BIN3: variants seen among roughly 807,000 people sequenced by gnomAD.
BIN3 encodes the protein bridging integrator 3.
A neutral mutation model predicts 38.2 loss-of-function variants in BIN3; 41 were observed. That is an observed-to-expected ratio of 1.07 (90% CI 0.84 to 1.39). The LOEUF (loss-of-function observed/expected upper bound fraction) is 1.39, where lower values mean the gene tolerates loss of function less well. BIN3 is among the 40% of genes most tolerant of loss of function. The probability of loss-of-function intolerance (pLI) is 0.00; values close to 1 mark genes in which losing one functional copy is unlikely to be tolerated. For missense variants in BIN3, 361 were observed against 324.3 expected (o/e 1.11, Z -0.87); for synonymous variants, 145 against 122.6 (o/e 1.18, Z -1.21).
chr8:22,630,804 C>A (rs927125033), intron 4 of BIN3, among the ~76,000 whole-genome samples: 1 of 152,186 alleles, frequency 6.6e-6, no homozygotes, highest in Non-Finnish European at 1.5e-5. Context: ...TTTTGAGCCG[C>A]TTTACCTGTT....
chr8:22,623,180 T>C (rs1407041034), intron 8 of BIN3, among the ~76,000 whole-genome samples: 1 of 152,226 alleles, frequency 6.6e-6, no homozygotes, highest in Non-Finnish European at 1.5e-5. Context: ...CAGGGTCCTG[T>C]GTGGAAGGGA....
intron 2 of BIN3, among the ~76,000 whole-genome samples, chr8:22,638,491 T>C (rs921706213): frequency 6.6e-6 from 1 of 152,206 alleles, no homozygotes; most frequent in Non-Finnish European, 1.5e-5. Context: ...TTCTGCCAGG[T>C]TCTGGGGATA....
intron 1 of BIN3, among the ~76,000 whole-genome samples, chr8:22,645,932 G>A (rs565019492): frequency 1.3e-5 from 2 of 152,274 alleles, no homozygotes; most frequent in Admixed American, 6.5e-5. Context: ...AGTCTGCCTT[G>A]GACTTGCTAT....
chr8:22,630,110 G>A, intron 5 of BIN3, 106 bp from the exon 6 acceptor site: 1 of 1,239,978 alleles, frequency 8.1e-7, no homozygotes, highest in Admixed American at 2.0e-5. Context: ...AAGGGCCACA[G>A]GGTGCTGTCC....
In BIN3 at chr8:22,623,911, TC is replaced by T. The variant is rs1429078629; in HGVS notation, c.615+3del. The T allele has an allele frequency of 1.2e-6, 2 of 1,611,118 alleles. No individual in the cohort carries two copies. The highest frequency in any genetic ancestry group is 3.3e-5 in the Admixed American group (2 of 59,820). On this transcript the variant is annotated splice_donor_region_variant and intron_variant, in intron 8 of 8. Transcript: ENST00000276416. Reference sequence around the variant, plus strand: ...CCCAGGGGAAGAGCACCTGGCGGCCTCACCTGAGCTCGGATGAGGGACTCAA... The same window carrying T: ...CCCAGGGGAAGAGCACCTGGCGGCCTACCTGAGCTCGGATGAGGGACTCAA...
At chr8:22,649,340 C>T (rs1802808197) in intron 1 of BIN3, among the ~76,000 whole-genome samples, 1 of 151,248 alleles carries the variant, frequency 6.6e-6, no homozygotes, top group Non-Finnish European at 1.5e-5. Context: ...AAAATTCTAC[C>T]CTTTACAGTT....
rs559848021 is a variant in BIN3 at position 22,660,961 on chromosome 8, C to T, written c.8+8083G>A. Among the ~76,000 whole-genome samples, 10 of 152,226 alleles carry T rather than the reference C, an allele frequency of 6.6e-5. No homozygotes were observed. In the East Asian group the frequency reaches 1.4e-3, roughly 21 times the overall value. ...GTGCAGTGGTGTGATCATAGCTCGC[C>T]GCAACCTTGAATTCCTGGGCTCCAG... is the stretch of plus-strand genomic sequence containing the variant. On this transcript the variant is annotated intron_variant, in intron 1 of 8. Transcript: ENST00000276416.
At chr8:22,649,516 G>C (rs1458474800) in intron 1 of BIN3, among the ~76,000 whole-genome samples, 1 of 152,112 alleles carries the variant, frequency 6.6e-6, no homozygotes, top group African/African-American at 2.4e-5. Flanking sequence ...ACCCAGCCAC[G>C]ATTCCGCATC....
intron 4 of BIN3, among the ~76,000 whole-genome samples, chr8:22,634,946 G>C (rs1802322523): frequency 6.6e-6 from 1 of 152,144 alleles, no homozygotes; most frequent in African/African-American, 2.4e-5. Flanking sequence ...CCAATCTCAA[G>C]GTCAGAAAAG....
At chr8:22,656,705 A>T (rs964028657) in intron 1 of BIN3, among the ~76,000 whole-genome samples, 1 of 152,234 alleles carries the variant, frequency 6.6e-6, no homozygotes, top group African/African-American at 2.4e-5. Flanking sequence ...TAACAGTAAG[A>T]AAATATCTTT....
At chr8:22,660,811 A>C (rs924607166) in intron 1 of BIN3, among the ~76,000 whole-genome samples, 3 of 152,270 alleles carry the variant, frequency 2.0e-5, no homozygotes, top group Admixed American at 6.5e-5. Flanking sequence ...ATTATTATTT[A>C]AGCAACAAAA....
intron 1 of BIN3, among the ~76,000 whole-genome samples, chr8:22,652,633 G>A (rs1802939958): frequency 6.6e-6 from 1 of 152,200 alleles, no homozygotes; most frequent in Admixed American, 6.5e-5. Context: ...CCTCTCAGAG[G>A]CGGGTTTGAA....
At chr8:22,634,355 A>C (rs959789708) in intron 4 of BIN3, 1 of 388,802 alleles carries the variant, frequency 2.6e-6, no homozygotes, top group Non-Finnish European at 5.1e-6. Flanking sequence ...CACTGGCATG[A>C]AAATTCATGG....
rs1407018142 is a variant in BIN3 at position 22,621,228 on chromosome 8, C to G, written c.*194G>C. ...TGTCTACACTGCTTACCTGCTGGGG[C>G]TGTGAGTGGGGAGACGGCGGCCTGC... On this transcript the variant is annotated 3_prime_UTR_variant, in exon 9 of 9. Coordinates refer to ENST00000276416, the MANE Select transcript of BIN3 (RefSeq NM_018688.6). The G allele has an allele frequency of 1.5e-6, 1 of 669,644 alleles. No individual in the cohort carries two copies. The highest frequency in any genetic ancestry group is 2.9e-5 in the Admixed American group (1 of 34,114). 41.5% of individuals were successfully genotyped at this position (669,644 alleles called of 1,614,324 possible). A position where few individuals can be genotyped will look rare whatever the true frequency, so the allele number is the denominator to read the frequency against.
intron 4 of BIN3, 91 bp from the exon 5 acceptor site, chr8:22,630,669 T>G: frequency 6.8e-7 from 1 of 1,473,208 alleles, no homozygotes; most frequent in Non-Finnish European, 9.2e-7. Context: ...GCCAGGGGCC[T>G]GCACCCTGAA....
intron 4 of BIN3, among the ~76,000 whole-genome samples, chr8:22,635,663 G>A (rs1442821010): frequency 6.6e-6 from 1 of 152,128 alleles, no homozygotes; most frequent in African/African-American, 2.4e-5. Flanking sequence ...TCGGATTGGC[G>A]TTACCTGTGC....
At chr8:22,666,582 G>A (rs1396512643) in intron 1 of BIN3, among the ~76,000 whole-genome samples, 2 of 152,158 alleles carry the variant, frequency 1.3e-5, no homozygotes, top group Non-Finnish European at 2.9e-5. Context: ...ATGGGTAGAT[G>A]GTGCAGGAAG....
At chr8:22,625,272 C>A (rs894345742) in intron 6 of BIN3, 1 of 700,746 alleles carries the variant, frequency 1.4e-6, no homozygotes, top group African/African-American at 1.7e-5. Context: ...TGCTGGAGGG[C>A]TGGCCCTCGG....
intron 2 of BIN3, among the ~76,000 whole-genome samples, chr8:22,637,719 G>C (rs1395300143): frequency 1.3e-5 from 2 of 152,158 alleles, no homozygotes; most frequent in African/African-American, 2.4e-5. Flanking sequence ...GTCTCTTATG[G>C]GCATGCAATG....
Sources: gnomAD v4.1 joint callset for allele counts (sites outside exome capture counted in the v4.1 genomes callset) on GRCh38, gnomAD v4.1.1 for gene constraint, MANE v1.5 for transcripts, NCBI Gene and HGNC (gene_info 2026-07-23, HGNC 2026-07-21) for gene names.